Variants in HACL1 observed in about 807,000 individuals in gnomAD.
HACL1 encodes the protein 1600020H07Rik.
Under a neutral mutation model 74.2 loss-of-function variants are expected in HACL1, and 64 were observed. That is an observed-to-expected ratio of 0.86 (90% CI 0.70 to 1.06). HACL1 has a LOEUF of 1.06. Among genes scored for constraint, HACL1 ranks in the 50% least tolerant of loss-of-function variants. The pLI is 0.00. For missense variants in HACL1, 728 were observed against 719.7 expected (o/e 1.01, Z -0.13); for synonymous variants, 230 against 238.8 (o/e 0.96, Z 0.34).
chr3:15,601,373 T>C lies in HACL1; in HGVS notation c.81+10A>G. On this transcript the variant is annotated intron_variant, in intron 1 of 16. Transcript: ENST00000321169. ...GTAGGAGCCTTTCATTCCAGGAAGGTCCATCGTACTTGCGTTTTCAGGGCC... is the reference window on the plus strand; with the variant it reads ...GTAGGAGCCTTTCATTCCAGGAAGGCCCATCGTACTTGCGTTTTCAGGGCC... The C allele has an allele frequency of 1.6e-5, 26 of 1,613,938 alleles. No homozygotes were observed. The highest frequency in any genetic ancestry group is 2.2e-5 in the Non-Finnish European group (26 of 1,179,982).
At chr3:15,580,122 T>C (rs911454333) in intron 8 of HACL1, 77 bp from the exon 9 acceptor site, 22 of 1,194,052 alleles carry the variant, frequency 1.8e-5, no homozygotes, top group Middle Eastern at 3.9e-4. Context: ...TCATGTGAAA[T>C]TGCTTTTTAC....
At chr3:15,570,051 T>C (rs941869073) in intron 12 of HACL1, among the ~76,000 whole-genome samples, 2 of 150,904 alleles carry the variant, frequency 1.3e-5, no homozygotes, top group African/African-American at 4.9e-5. Flanking sequence ...AAAATTCTAA[T>C]GTAGGCCAGG....
At chr3:15,563,274 G>A in intron 16 of HACL1, 84 bp downstream of exon 16, 1 of 853,548 alleles carries the variant, frequency 1.2e-6, no homozygotes, top group Non-Finnish European at 1.9e-6. Flanking sequence ...GATGATAGAG[G>A]GTGTTCTGTT....
chr3:15,576,419 T>C (rs2063628077), intron 9 of HACL1, among the ~76,000 whole-genome samples: 1 of 152,142 alleles, frequency 6.6e-6, no homozygotes, highest in Non-Finnish European at 1.5e-5. Context: ...ATTACACCAA[T>C]TAGATTTCTA....
chr3:15,570,435 A>G (rs758906129), intron 12 of HACL1, among the ~76,000 whole-genome samples: 1 of 151,748 alleles, frequency 6.6e-6, no homozygotes, highest in Non-Finnish European at 1.5e-5. Flanking sequence ...TTCTAAGACA[A>G]TTGATATATT....
chr3:15,596,549 C>A (rs1360326715), intron 2 of HACL1, 125 bp from the exon 3 acceptor site: 3 of 627,648 alleles, frequency 4.8e-6, no homozygotes, highest in South Asian at 2.0e-5. Context: ...TATTTCCAAC[C>A]TTAGTAATAA....
At chr3:15,569,471 G>C (rs1243758866) in intron 12 of HACL1, among the ~76,000 whole-genome samples, 2 of 151,290 alleles carry the variant, frequency 1.3e-5, no homozygotes, top group African/African-American at 4.9e-5. Context: ...GGATCACGAG[G>C]TTAGGAGTTC....
At chr3:15,565,755 TAA>T (rs1160918268) in intron 14 of HACL1, among the ~76,000 whole-genome samples, 1 of 152,172 alleles carries the variant, frequency 6.6e-6, no homozygotes, top group Non-Finnish European at 1.5e-5. Context: ...TGGTTGTCAA[TAA>T]AGACACTCTA....
chr3:15,597,369 T>C (rs1393583403), intron 2 of HACL1, among the ~76,000 whole-genome samples: 2 of 152,114 alleles, frequency 1.3e-5, no homozygotes, highest in African/African-American at 4.8e-5. Flanking sequence ...GGCCTGCATA[T>C]GGATAGTTTT....
At chr3:15,563,701 T>C (rs951246962) in intron 15 of HACL1, among the ~76,000 whole-genome samples, 157 bp from the exon 16 acceptor site, 6 of 152,246 alleles carry the variant, frequency 3.9e-5, no homozygotes, top group Non-Finnish European at 8.8e-5. Flanking sequence ...ACTGAGTTTT[T>C]CCTATATTTA....
intron 10 of HACL1, among the ~76,000 whole-genome samples, chr3:15,574,065 G>C (rs761032335): frequency 4.6e-5 from 7 of 152,168 alleles, no homozygotes; most frequent in Non-Finnish European, 7.3e-5. Context: ...ACTGTAGCTG[G>C]CTCATCAAAC....
intron 15 of HACL1, among the ~76,000 whole-genome samples, chr3:15,564,290 G>A (rs574317749): frequency 6.6e-6 from 1 of 152,306 alleles, no homozygotes; most frequent in Admixed American, 6.5e-5. Flanking sequence ...TTTGCAATAA[G>A]CCTTTTCATT....
At chr3:15,573,440 T>A (rs1037770180) in intron 10 of HACL1, among the ~76,000 whole-genome samples, 198 bp from the exon 11 acceptor site, 1 of 152,256 alleles carries the variant, frequency 6.6e-6, no homozygotes, top group African/African-American at 2.4e-5. Context: ...AGCCTCATTA[T>A]CTTCCCTCAT....
intron 12 of HACL1, among the ~76,000 whole-genome samples, chr3:15,570,118 C>T (rs1051932922): frequency 1.3e-5 from 2 of 152,014 alleles, no homozygotes; most frequent in South Asian, 4.1e-4. Flanking sequence ...GGGCGGATCA[C>T]GAGGTCAAGA....
intron 5 of HACL1, among the ~76,000 whole-genome samples, chr3:15,589,138 C>T (rs1574936718): frequency 6.6e-6 from 1 of 152,088 alleles, no homozygotes; most frequent in Admixed American, 6.6e-5. Flanking sequence ...ATTTTGCAAA[C>T]AGGAGGCTTT....
intron 16 of HACL1, among the ~76,000 whole-genome samples, chr3:15,562,041 G>A (rs754669864): frequency 2.6e-5 from 4 of 152,164 alleles, no homozygotes; most frequent in African/African-American, 4.8e-5. Flanking sequence ...CCTGATGCCC[G>A]GAGGAGGGTG....
Position 15,598,254 on chromosome 3 carries a change from C to T in HACL1, c.187-1830G>A, listed in dbSNP as rs561261964. Among the ~76,000 whole-genome samples, 4 of 152,226 alleles carry T rather than the reference C, an allele frequency of 2.6e-5. 1 individual carries two copies. The South Asian group carries it at 8.3e-4, about 32-fold the overall frequency. On this transcript the variant is annotated intron_variant, in intron 2 of 16. Coordinates refer to ENST00000321169, the MANE Select transcript of HACL1 (RefSeq NM_012260.4). ...CAGGCTGGTCTCAAACTCCTGACCT[C>T]AGGTGATCTGCCTGCCTCAGCCTCC...
chr3:15,591,577 T>G (rs750762673), intron 4 of HACL1, 23 bp downstream of exon 4: 9 of 1,411,800 alleles, frequency 6.4e-6, no homozygotes, highest in Admixed American at 3.4e-5. Flanking sequence ...AGAAAATGTT[T>G]TCAGTAATAA....
chr3:15,600,983 A>G, intron 2 of HACL1, 107 bp downstream of exon 2: 1 of 715,512 alleles, frequency 1.4e-6, no homozygotes, highest in South Asian at 1.5e-5. Flanking sequence ...TGATATATGT[A>G]AAGTAGCAGA....
Sources: allele counts gnomAD v4.1 joint callset (sites outside exome capture counted in the v4.1 genomes callset), GRCh38; gene constraint gnomAD v4.1.1; transcripts MANE v1.5; gene names NCBI Gene and HGNC (gene_info 2026-07-23, HGNC 2026-07-21).